KLF12: variants seen among roughly 807,000 people sequenced by gnomAD.
The protein encoded by KLF12 is KLF transcription factor 12, also known as Krueppel-like factor 12.
KLF12 carries 9 observed loss-of-function variants against 37.8 expected under a neutral mutation model. The ratio of observed to expected loss-of-function variants is 0.24; its 90% CI spans 0.14 to 0.42. The LOEUF is 0.42. KLF12 is among the 10% of genes least tolerant of loss of function. The pLI, the probability that KLF12 is intolerant of heterozygous loss-of-function variation, is 1.00. For synonymous variants in KLF12, 208 were observed against 202.1 expected, an observed-to-expected ratio of 1.03 and a Z score of -0.25; for missense variants, 411 against 516.0, an observed-to-expected ratio of 0.80 and a Z score of 1.97.
At chr13:74,229,687 T>G in the KLF12 span, among the ~76,000 whole-genome samples, 1 of 152,256 alleles carries the variant, frequency 6.6e-6, no homozygotes, top group African/African-American at 2.4e-5. Flanking sequence ...TCCTTTCCAT[T>G]TTTTCATAGG....
the KLF12 span, among the ~76,000 whole-genome samples, chr13:74,242,477 A>G: frequency 1.3e-5 from 2 of 152,290 alleles, no homozygotes; most frequent in South Asian, 2.1e-4. Flanking sequence ...CCACAAGAAT[A>G]GTATGTGGGA....
chr13:73,846,133 G>T lies in KLF12; in HGVS notation c.364C>A (p.Arg122Ser). Residue 122 changes from arginine to serine, a missense_variant, in exon 4 of 8, where the codon CGT becomes AGT. Coordinates refer to ENST00000377669, the MANE Select transcript of KLF12 (RefSeq NM_007249.5). The stretch of plus-strand genomic sequence containing the variant: ...ATAACAGTTGGGGATGAGGCTAGAC[G>T]ACTAGAAGACGATGAAGAGGTTGAA... 6.2e-7 allele frequency: 1 copy of T among 1,614,080 alleles called. No individual in the cohort carries two copies. The highest frequency in any genetic ancestry group is 8.5e-7 in the Non-Finnish European group (1 of 1,179,996).
chr13:73,789,520 G>A (rs1881539171), intron 5 of KLF12, among the ~76,000 whole-genome samples: 1 of 152,020 alleles, frequency 6.6e-6, no homozygotes. Flanking sequence ...CTGACCCAGG[G>A]TAAGACCACG....
chr13:73,995,201 T>C, intron 1 of KLF12, 148 bp from the exon 2 acceptor site: 1 of 595,260 alleles, frequency 1.7e-6, no homozygotes. Flanking sequence ...CAGCTATGTG[T>C]TGTTGGCTTG....
At chr13:74,223,750 A>G in the KLF12 span, among the ~76,000 whole-genome samples, 36 of 151,984 alleles carry the variant, frequency 2.4e-4, no homozygotes, top group South Asian at 4.6e-3. Flanking sequence ...TTTTCTTTCA[A>G]CTTTGGAGTT....
chr13:74,135,821 A>G (rs1878535634), upstream of KLF12, among the ~76,000 whole-genome samples: 2 of 152,136 alleles, frequency 1.3e-5, no homozygotes, highest in Non-Finnish European at 2.9e-5. Flanking sequence ...GGGTGGGAAG[A>G]GAAACAAGGG....
chr13:74,192,559 A>G, the KLF12 span, among the ~76,000 whole-genome samples: 7 of 152,256 alleles, frequency 4.6e-5, no homozygotes, highest in Non-Finnish European at 8.8e-5. Context: ...ATGTGATTAC[A>G]AGGTAATGAA....
intron 1 of KLF12, among the ~76,000 whole-genome samples, chr13:74,026,957 T>C (rs1892991030): frequency 6.6e-6 from 1 of 152,162 alleles, no homozygotes; most frequent in South Asian, 2.1e-4. Flanking sequence ...GGCCTGCCTT[T>C]GGTTTCTAAC....
At chr13:73,985,052 G>A (rs868192284) in intron 2 of KLF12, among the ~76,000 whole-genome samples, 6 of 152,208 alleles carry the variant, frequency 3.9e-5, no homozygotes, top group Non-Finnish European at 8.8e-5. Flanking sequence ...CTTCCCCAGT[G>A]CGCAGCTTTA....
At chr13:74,036,895 G>T (rs1184494125) in intron 1 of KLF12, among the ~76,000 whole-genome samples, 1 of 152,112 alleles carries the variant, frequency 6.6e-6, no homozygotes, top group African/African-American at 2.4e-5. Flanking sequence ...TTTTATCTTG[G>T]TCACATAAGC....
At chr13:74,015,541 G>C (rs902569629) in intron 1 of KLF12, among the ~76,000 whole-genome samples, 1 of 152,156 alleles carries the variant, frequency 6.6e-6, no homozygotes, top group African/African-American at 2.4e-5. Flanking sequence ...GGGTGCATGA[G>C]AGAATCTCAG....
At chr13:73,789,351 C>A (rs1420134120) in intron 5 of KLF12, among the ~76,000 whole-genome samples, 2 of 152,126 alleles carry the variant, frequency 1.3e-5, no homozygotes, top group Non-Finnish European at 2.9e-5. Flanking sequence ...TAAATGAGCA[C>A]CCTAAGGATT....
the KLF12 span, among the ~76,000 whole-genome samples, chr13:74,287,217 C>T: frequency 6.6e-6 from 1 of 152,092 alleles, no homozygotes; most frequent in Non-Finnish European, 1.5e-5. Flanking sequence ...CAGCTTGCAG[C>T]CCGTCTGCTC....
At chr13:74,035,664 T>C (rs1369051398) in intron 1 of KLF12, among the ~76,000 whole-genome samples, 1 of 152,210 alleles carries the variant, frequency 6.6e-6, no homozygotes, top group Non-Finnish European at 1.5e-5. Context: ...ATAATCATTC[T>C]AAAAATTCAT....
intron 6 of KLF12, among the ~76,000 whole-genome samples, chr13:73,747,525 C>T (rs543640364): frequency 5.9e-5 from 9 of 152,284 alleles, no homozygotes; most frequent in African/African-American, 1.9e-4. Context: ...GGTCAAAGTA[C>T]ATTTTAGCTA....
chr13:74,052,538 G>A lies in KLF12; in HGVS notation c.-31-57485C>T, dbSNP rs138386272. 7.5e-3 allele frequency among the ~76,000 whole-genome samples: 1,148 copies of A among 152,094 alleles called. 5 individuals are homozygous for A. Among genetic ancestry groups the A allele is most frequent in the Non-Finnish European group, 0.013 (898 of 67,992 alleles). ...GAGAATCAAGTTACTAGGCAGGGAGGCACATTATTTACCCAGCCCAGCGCC... is the reference window on the plus strand; with the variant it reads ...GAGAATCAAGTTACTAGGCAGGGAGACACATTATTTACCCAGCCCAGCGCC... On this transcript the variant is annotated intron_variant, in intron 1 of 7. Coordinates refer to ENST00000377669, the MANE Select transcript of KLF12 (RefSeq NM_007249.5).
intron 3 of KLF12, among the ~76,000 whole-genome samples, chr13:73,884,639 T>C (rs1426678125): frequency 6.6e-6 from 1 of 152,244 alleles, no homozygotes; most frequent in Non-Finnish European, 1.5e-5. Flanking sequence ...GGAAATGCCC[T>C]CTTTCTGTGC....
intron 7 of KLF12, among the ~76,000 whole-genome samples, chr13:73,698,788 T>C (rs1874331019): frequency 6.6e-6 from 1 of 152,172 alleles, no homozygotes; most frequent in Non-Finnish European, 1.5e-5. Context: ...TAGTCTTCTA[T>C]GGAAGGGGTT....
At chr13:74,042,491 G>A (rs1893433716) in intron 1 of KLF12, among the ~76,000 whole-genome samples, 1 of 152,242 alleles carries the variant, frequency 6.6e-6, no homozygotes, top group East Asian at 1.9e-4. Context: ...AAAGGTCAGA[G>A]TGTCCCAAAG....
Sources: allele counts gnomAD v4.1 joint callset (sites outside exome capture counted in the v4.1 genomes callset), GRCh38; gene constraint gnomAD v4.1.1; transcripts MANE v1.5; gene names NCBI Gene and HGNC (gene_info 2026-07-23, HGNC 2026-07-21).